TENM3: variants seen among roughly 807,000 people sequenced by gnomAD.
TENM3 encodes the protein teneurin-3.
Under a neutral mutation model 255.1 loss-of-function variants are expected in TENM3, and 63 were observed. The ratio of observed to expected loss-of-function variants is 0.25; its 90% CI spans 0.20 to 0.30. The LOEUF (loss-of-function observed/expected upper bound fraction) is 0.30. TENM3 is among the 10% of genes least tolerant of loss of function. The pLI, the probability that TENM3 is intolerant of heterozygous loss-of-function variation, is 1.00. For synonymous variants in TENM3, 1,306 were observed against 1,322.3 expected (o/e 0.99, Z 0.27); for missense variants, 2,929 against 3,461.1 (o/e 0.85, Z 3.86).
chr4:182,288,483 C>T (rs1364324237), intron 1 of TENM3, among the ~76,000 whole-genome samples: 1 of 152,184 alleles, frequency 6.6e-6, no homozygotes, highest in East Asian at 1.9e-4. Context: ...TTTTGTCTAT[C>T]TTGTTCCTCA....
At chr4:182,325,637 C>G (rs1035233121) in intron 2 of TENM3, among the ~76,000 whole-genome samples, 4 of 151,486 alleles carry the variant, frequency 2.6e-5, no homozygotes, top group African/African-American at 7.3e-5. Context: ...ATTTTTTCAA[C>G]AATTTAAAAA....
chr4:181,986,606 G>A, the TENM3 span, among the ~76,000 whole-genome samples: 2 of 151,928 alleles, frequency 1.3e-5, no homozygotes, highest in African/African-American at 4.8e-5. Context: ...TAGCGTTGTG[G>A]GATGTTGGTT....
chr4:181,455,073 A>T, the TENM3 span, among the ~76,000 whole-genome samples: 1 of 152,088 alleles, frequency 6.6e-6, no homozygotes, highest in African/African-American at 2.4e-5. Context: ...CCTCACCTGA[A>T]AGAGAACCGG....
chr4:182,335,979 C>T (rs1283190658), intron 2 of TENM3, among the ~76,000 whole-genome samples: 1 of 152,134 alleles, frequency 6.6e-6, no homozygotes, highest in African/African-American at 2.4e-5. Context: ...ATTCTACATC[C>T]CTACTATACA....
chr4:182,637,239 A>G (rs1751921394), intron 5 of TENM3, among the ~76,000 whole-genome samples: 1 of 152,234 alleles, frequency 6.6e-6, no homozygotes, highest in African/African-American at 2.4e-5. Flanking sequence ...ACAAATAAAG[A>G]TACAAATATC....
chr4:181,934,817 A>G, the TENM3 span, among the ~76,000 whole-genome samples: 1 of 152,166 alleles, frequency 6.6e-6, no homozygotes. Flanking sequence ...GAAGGGACTA[A>G]ATTTTGCATT....
intron 12 of TENM3, among the ~76,000 whole-genome samples, chr4:182,704,335 AC>A (rs1758109284): frequency 6.6e-6 from 1 of 152,312 alleles, no homozygotes; most frequent in African/African-American, 2.4e-5. Flanking sequence ...TGCCTTCTGC[AC>A]CTTGAGTGTT....
intron 1 of TENM3, among the ~76,000 whole-genome samples, chr4:182,317,391 C>T (rs915527599): frequency 6.6e-6 from 1 of 152,136 alleles, no homozygotes; most frequent in Non-Finnish European, 1.5e-5. Flanking sequence ...CCTCCACATC[C>T]TAGCCTCAAT....
At chr4:182,549,208 T>G (rs1741766325) in intron 3 of TENM3, among the ~76,000 whole-genome samples, 1 of 152,226 alleles carries the variant, frequency 6.6e-6, no homozygotes, top group African/African-American at 2.4e-5. Flanking sequence ...TGGTAGATGT[T>G]ACGGTCAAGT....
the TENM3 span, among the ~76,000 whole-genome samples, chr4:181,534,340 T>C: frequency 6.6e-6 from 1 of 152,060 alleles, no homozygotes. Context: ...TTGTCCAAAG[T>C]GGTCAAATAC....
At chr4:181,766,246 A>G in the TENM3 span, among the ~76,000 whole-genome samples, 5 of 152,310 alleles carry the variant, frequency 3.3e-5, no homozygotes, top group East Asian at 9.7e-4. Context: ...CGCAAAAGCT[A>G]AAAAGCAAAC....
At chr4:182,655,725 T>C (rs772110562) in intron 6 of TENM3, among the ~76,000 whole-genome samples, 4 of 152,152 alleles carry the variant, frequency 2.6e-5, no homozygotes, top group Non-Finnish European at 4.4e-5. Flanking sequence ...GTGGCCATAT[T>C]AATAGAAATC....
At chr4:182,729,889 A>G (rs995752442) in intron 14 of TENM3, among the ~76,000 whole-genome samples, 11 of 152,192 alleles carry the variant, frequency 7.2e-5, no homozygotes, top group Non-Finnish European at 1.2e-4. Context: ...CACCATATAT[A>G]TGACTTATGA....
At chr4:182,157,237 C>T (rs554281143) in intron 1 of TENM3, among the ~76,000 whole-genome samples, 5 of 152,320 alleles carry the variant, frequency 3.3e-5, no homozygotes, top group African/African-American at 1.2e-4. Context: ...AGTAGGAACA[C>T]TTGGCTTATC....
At chr4:182,530,706 C>G (rs62337259) in intron 3 of TENM3, among the ~76,000 whole-genome samples, 3,220 of 152,184 alleles carry the variant, frequency 0.021, 37 homozygotes, top group Middle Eastern at 0.041. Context: ...GAACTGCTAG[C>G]CTGGAGCATA....
chr4:181,611,701 G>A, the TENM3 span, among the ~76,000 whole-genome samples: 1 of 152,176 alleles, frequency 6.6e-6, no homozygotes, highest in Non-Finnish European at 1.5e-5. Context: ...TATAATGAGT[G>A]CAAACTTTAA....
the TENM3 span, among the ~76,000 whole-genome samples, chr4:181,849,949 T>TCTCTCA: frequency 2.4e-4 from 16 of 65,958 alleles, no homozygotes; most frequent in East Asian, 1.5e-3. Flanking sequence ...TCTCTCTCTC[T>TCTCTCA]CACACACACA....
At chr4:182,191,522 C>T (rs1753516787) in intron 1 of TENM3, among the ~76,000 whole-genome samples, 1 of 152,180 alleles carries the variant, frequency 6.6e-6, no homozygotes, top group Admixed American at 6.6e-5. Flanking sequence ...GTACATGTTA[C>T]ATCTCCCTTG....
the TENM3 span, among the ~76,000 whole-genome samples, chr4:181,481,761 AGTCTCTTCAT>A: frequency 2.2e-4 from 34 of 152,274 alleles, no homozygotes; most frequent in Admixed American, 9.8e-4. Context: ...TCTACACTTT[AGTCTCTTCAT>A]GTGCAAAAAA....
Sources: gnomAD v4.1 joint callset for allele counts (sites outside exome capture counted in the v4.1 genomes callset) on GRCh38, gnomAD v4.1.1 for gene constraint, MANE v1.5 for transcripts, NCBI Gene and HGNC (gene_info 2026-07-23, HGNC 2026-07-21) for gene names.